The following CACNA2D3 variants were observed in gnomAD, a reference collection of about 807,000 sequenced individuals.
CACNA2D3 encodes the protein calcium voltage-gated channel auxiliary subunit alpha2delta 3, also known as voltage-dependent calcium channel subunit alpha-2/delta-3.
A neutral mutation model predicts 160.6 loss-of-function variants in CACNA2D3; 60 were observed. The ratio of observed to expected loss-of-function variants is 0.37; its 90% CI spans 0.30 to 0.46. CACNA2D3 has a LOEUF of 0.46. CACNA2D3 is among the 20% of genes least tolerant of loss of function. The probability of loss-of-function intolerance (pLI) is 1.00; values close to 1 mark genes in which losing one functional copy is unlikely to be tolerated. For synonymous variants in CACNA2D3, 558 were observed against 492.9 expected (o/e 1.13, Z -1.75); for missense variants, 1,205 against 1,365.0 (o/e 0.88, Z 1.85).
chr3:54,163,411 G>A (rs919436405), intron 2 of CACNA2D3, among the ~76,000 whole-genome samples: 2 of 152,296 alleles, frequency 1.3e-5, no homozygotes, highest in East Asian at 1.9e-4. Context: ...CCAGGACTCC[G>A]GCTGAAGGAC....
At chr3:54,718,494 T>A (rs1028466918) in intron 11 of CACNA2D3, among the ~76,000 whole-genome samples, 1 of 152,090 alleles carries the variant, frequency 6.6e-6, no homozygotes, top group Non-Finnish European at 1.5e-5. Context: ...TAGTACTTTT[T>A]AAAAATTAGG....
chr3:54,230,129 G>GTTTT lies in CACNA2D3; in HGVS notation c.205-90303_205-90300dup, dbSNP rs10663453. ...CACAGTGCTATTAAGTCATTTAATTGTTTTTTTTTTTTTCCATTCTGTGTT... is the reference window on the plus strand; with the variant it reads ...CACAGTGCTATTAAGTCATTTAATTGTTTTTTTTTTTTTTTTTCCATTCTGTGTT... On this transcript the variant is annotated intron_variant, in intron 2 of 37. Transcript: ENST00000474759. Among the ~76,000 whole-genome samples, 79 of 143,512 alleles carry GTTTT rather than the reference G, an allele frequency of 5.5e-4. No homozygotes were observed. The East Asian group carries it at 7.6e-3, about 14-fold the overall frequency. The allele number at this position is 143,512 out of a possible 152,430, so 94.1% of individuals were successfully genotyped here. A position where few individuals can be genotyped will look rare whatever the true frequency, so the allele number is the denominator to read the frequency against.
chr3:54,639,832 G>T (rs1413584705), intron 10 of CACNA2D3: 2 of 153,138 alleles, frequency 1.3e-5, no homozygotes, highest in East Asian at 1.9e-4. Context: ...GGGTGCAGGC[G>T]GGCTGAGTCC....
intron 11 of CACNA2D3, among the ~76,000 whole-genome samples, chr3:54,716,923 T>TA (rs1381498338): frequency 6.8e-6 from 1 of 146,544 alleles, no homozygotes; most frequent in African/African-American, 2.5e-5. Flanking sequence ...TTTTTTTTTT[T>TA]AACAAGTTCC....
intron 25 of CACNA2D3, chr3:54,894,596 A>G (rs754640135): frequency 5.8e-6 from 3 of 515,944 alleles, no homozygotes; most frequent in East Asian, 5.5e-5. Context: ...CTTAGCTGTA[A>G]TGACCACTGA....
chr3:54,951,643 T>C (rs1205913946), intron 27 of CACNA2D3, among the ~76,000 whole-genome samples: 1 of 151,140 alleles, frequency 6.6e-6, no homozygotes, highest in African/African-American at 2.5e-5. Flanking sequence ...CGTGCAGGGC[T>C]CCAGTCCCAG....
intron 3 of CACNA2D3, among the ~76,000 whole-genome samples, chr3:54,358,607 T>C (rs1698689882): frequency 6.6e-6 from 1 of 152,162 alleles, no homozygotes; most frequent in Non-Finnish European, 1.5e-5. Context: ...AGAGACCTCC[T>C]AGGGGGAGCT....
intron 8 of CACNA2D3, among the ~76,000 whole-genome samples, chr3:54,571,108 G>T (rs1702489074): frequency 6.6e-6 from 1 of 152,124 alleles, no homozygotes; most frequent in Admixed American, 6.5e-5. Flanking sequence ...GGGGCTTCCA[G>T]CTTATAGGTA....
chr3:55,000,812 G>A (rs977885306), intron 31 of CACNA2D3, among the ~76,000 whole-genome samples: 1 of 152,076 alleles, frequency 6.6e-6, no homozygotes, highest in Non-Finnish European at 1.5e-5. Context: ...CTGGACATTG[G>A]TTATCTTGGG....
chr3:55,064,558 A>G (rs1453850548), intron 35 of CACNA2D3, among the ~76,000 whole-genome samples: 3 of 152,148 alleles, frequency 2.0e-5, no homozygotes, highest in Non-Finnish European at 4.4e-5. Flanking sequence ...ACTCCTGTGC[A>G]TGCCCCATTG....
At chr3:54,261,595 A>G (rs1353394344) in intron 2 of CACNA2D3, among the ~76,000 whole-genome samples, 1 of 152,182 alleles carries the variant, frequency 6.6e-6, no homozygotes, top group East Asian at 1.9e-4. Context: ...CTGAACAAAT[A>G]TATGCTTCCC....
chr3:54,452,941 T>C (rs1318387214), intron 4 of CACNA2D3, among the ~76,000 whole-genome samples: 1 of 152,064 alleles, frequency 6.6e-6, no homozygotes, highest in Non-Finnish European at 1.5e-5. Context: ...TCTGTGTTTC[T>C]ATGTCTTCTT....
intron 27 of CACNA2D3, among the ~76,000 whole-genome samples, chr3:54,941,769 A>G (rs1701472703): frequency 6.6e-6 from 1 of 152,188 alleles, no homozygotes; most frequent in South Asian, 2.1e-4. Flanking sequence ...CTCTAGAGGA[A>G]GGGACATTAA....
At chr3:54,922,567 AT>A (rs1700884932) in intron 27 of CACNA2D3, among the ~76,000 whole-genome samples, 2 of 152,032 alleles carry the variant, frequency 1.3e-5, no homozygotes, top group Non-Finnish European at 2.9e-5. Flanking sequence ...GTTGAGAAGG[AT>A]TTATTCAATA....
In CACNA2D3 at chr3:54,191,397, ACATCATCATCAT is replaced by A. The variant is rs10533577; in HGVS notation, c.204+67831_204+67842del. ...TAATGCCTTTTCTTTTAAAACATCA[ACATCATCATCAT>A]CATCATCATCATCATCATCATCATC... On this transcript the variant is annotated intron_variant, in intron 2 of 37. Transcript: ENST00000474759. Among the ~76,000 whole-genome samples, 96 of 150,022 alleles carry A rather than the reference ACATCATCATCAT, an allele frequency of 6.4e-4. 1 individual carries two copies. Among genetic ancestry groups the A allele is most frequent in the Admixed American group, 1.9e-3 (29 of 14,986 alleles).
chr3:54,521,920 A>G (rs1411171146), intron 5 of CACNA2D3, among the ~76,000 whole-genome samples: 1 of 152,160 alleles, frequency 6.6e-6, no homozygotes, highest in African/African-American at 2.4e-5. Context: ...ATCTATTTTT[A>G]TGCTAGTCCT....
In CACNA2D3 at chr3:55,049,758, G is replaced by C. The variant is rs866898692; in HGVS notation, c.2988-23687G>C. On this transcript the variant is annotated intron_variant, in intron 35 of 37. Coordinates refer to ENST00000474759, the MANE Select transcript of CACNA2D3 (RefSeq NM_018398.3). ...AGTCTAAGTCTCTTTGTAGGTCACT[G>C]AGGACTTGCTTTATGAATCTGGGTG... Among the ~76,000 whole-genome samples the C allele has an allele frequency of 2.4e-3, 363 of 148,812 alleles. 2 individuals carry two copies. The highest frequency in any genetic ancestry group is 8.0e-3 in the African/African-American group (317 of 39,828).
chr3:54,203,402 G>C (rs1701211995), intron 2 of CACNA2D3, among the ~76,000 whole-genome samples: 1 of 152,188 alleles, frequency 6.6e-6, no homozygotes, highest in Admixed American at 6.5e-5. Context: ...AAGCCCTTGT[G>C]GGTGTGTGTT....
chr3:54,540,270 G>A (rs967820813), intron 5 of CACNA2D3, among the ~76,000 whole-genome samples: 1 of 152,074 alleles, frequency 6.6e-6, no homozygotes, highest in South Asian at 2.1e-4. Context: ...GGATAACAGC[G>A]TTTCTCCCCT....
Sources: allele counts gnomAD v4.1 joint callset (sites outside exome capture counted in the v4.1 genomes callset), GRCh38; gene constraint gnomAD v4.1.1; transcripts MANE v1.5; gene names NCBI Gene and HGNC (gene_info 2026-07-23, HGNC 2026-07-21).